GAS2: variants seen among roughly 807,000 people sequenced by gnomAD.
GAS2 encodes growth arrest-specific protein 2.
In GAS2, 20 loss-of-function variants were observed where a neutral mutation model predicts 37.5. That is an observed-to-expected ratio of 0.53 (90% CI 0.37 to 0.77). GAS2 has a LOEUF of 0.77. Ranked by LOEUF, GAS2 falls within the 30% of genes least tolerant of loss-of-function variation. The pLI, the probability that GAS2 is intolerant of heterozygous loss-of-function variation, is 0.00. For missense variants in GAS2, 336 were observed against 373.4 expected (o/e 0.90, Z 0.82); for synonymous variants, 144 against 132.2 (o/e 1.09, Z -0.61).
chr11:22,664,808 A>G (rs569211323), upstream of GAS2, among the ~76,000 whole-genome samples: 7 of 152,292 alleles, frequency 4.6e-5, no homozygotes, highest in South Asian at 1.4e-3. Flanking sequence ...CATATGCTAA[A>G]AAAATTAAAA....
At chr11:22,809,184 A>G (rs1390960645) in intron 7 of GAS2, among the ~76,000 whole-genome samples, 1 of 152,210 alleles carries the variant, frequency 6.6e-6, no homozygotes, top group Non-Finnish European at 1.5e-5. Flanking sequence ...GCTAATCACT[A>G]AGACAATGAG....
intron 3 of GAS2, among the ~76,000 whole-genome samples, chr11:22,712,182 G>T (rs1851439548): frequency 1.3e-5 from 2 of 152,288 alleles, no homozygotes; most frequent in South Asian, 4.1e-4. Context: ...ACACACCCTG[G>T]CTAGCCAGAG....
intron 7 of GAS2, among the ~76,000 whole-genome samples, chr11:22,803,655 A>G (rs1463167627): frequency 6.6e-6 from 1 of 152,154 alleles, no homozygotes; most frequent in Non-Finnish European, 1.5e-5. Context: ...TAATGACATT[A>G]TAGATTAGAT....
chr11:22,672,992 C>T (rs534032117), intron 1 of GAS2, among the ~76,000 whole-genome samples: 1 of 152,152 alleles, frequency 6.6e-6, no homozygotes, highest in South Asian at 2.1e-4. Flanking sequence ...GTATTGAAAG[C>T]AGTTCACATT....
chr11:22,674,172 T>C (rs974822398), intron 1 of GAS2, among the ~76,000 whole-genome samples: 19 of 152,162 alleles, frequency 1.2e-4, no homozygotes, highest in African/African-American at 4.3e-4. Context: ...TGTCATGACC[T>C]AGCTGTATGA....
intron 7 of GAS2, among the ~76,000 whole-genome samples, chr11:22,803,227 C>T (rs1376511982): frequency 1.3e-5 from 2 of 152,060 alleles, no homozygotes; most frequent in Admixed American, 1.3e-4. Context: ...AATCAAAGCC[C>T]CTTCTTACTT....
At chr11:22,772,078 T>C (rs983060096) in intron 7 of GAS2, among the ~76,000 whole-genome samples, 3 of 152,226 alleles carry the variant, frequency 2.0e-5, no homozygotes, top group Non-Finnish European at 4.4e-5. Flanking sequence ...TCATACAAGA[T>C]ACAAGTATAA....
chr11:22,647,138 G>C (rs1848706482), intron 1 of GAS2, among the ~76,000 whole-genome samples: 1 of 135,756 alleles, frequency 7.4e-6, no homozygotes, highest in African/African-American at 2.8e-5. Context: ...TGTTCTCATT[G>C]TTCAATTCCC....
Position 22,809,795 on chromosome 11 carries a change from T to C in GAS2, c.724-2003T>C, listed in dbSNP as rs1351979696. The stretch of plus-strand genomic sequence containing the variant: ...AGGCATGAGCCACCACGCCCGACCA[T>C]ATTTATTTTTAAAAGTAAATATTAG... On this transcript the variant is annotated intron_variant, in intron 7 of 7. Coordinates refer to ENST00000454584, the MANE Select transcript of GAS2 (RefSeq NM_001143830.3). Among the ~76,000 whole-genome samples the C allele has an allele frequency of 2.0e-5, 3 of 151,986 alleles. No individual in the cohort carries two copies. The East Asian group carries it at 5.8e-4, about 30-fold the overall frequency.
chr11:22,731,707 T>G (rs1394118893), intron 4 of GAS2, among the ~76,000 whole-genome samples: 1 of 151,804 alleles, frequency 6.6e-6, no homozygotes, highest in Admixed American at 6.6e-5. Flanking sequence ...TTTAAGTGTT[T>G]GATAAATCAT....
intron 5 of GAS2, among the ~76,000 whole-genome samples, chr11:22,740,693 G>A (rs1030749421): frequency 1.3e-5 from 2 of 152,236 alleles, no homozygotes; most frequent in Admixed American, 1.3e-4. Context: ...CTGTGTTGAA[G>A]CATAATTAGT....
In GAS2 at chr11:22,812,741, C is replaced by T. The variant is rs1306818250; in HGVS notation, c.*725C>T. On this transcript the variant is annotated 3_prime_UTR_variant, in exon 8 of 8. Coordinates refer to ENST00000454584, the MANE Select transcript of GAS2 (RefSeq NM_001143830.3). ...TGTAATTCATACATGAGCTGACATA[C>T]GTTGATACTTTGACGAGTAAATTGT... 1 of 152,450 alleles carries T rather than the reference C, an allele frequency of 6.6e-6. No individual in the cohort carries two copies. The highest frequency in any genetic ancestry group is 2.4e-5 in the African/African-American group (1 of 41,400). 9.4% of individuals were successfully genotyped at this position (152,450 alleles called of 1,614,324 possible). A position where few individuals can be genotyped will look rare whatever the true frequency, so the allele number is the denominator to read the frequency against.
At chr11:22,809,454 AG>A (rs1299015427) in intron 7 of GAS2, among the ~76,000 whole-genome samples, 1 of 152,008 alleles carries the variant, frequency 6.6e-6, no homozygotes, top group Non-Finnish European at 1.5e-5. Flanking sequence ...GTTTAAGACA[AG>A]GGAGGGTCAA....
intron 3 of GAS2, among the ~76,000 whole-genome samples, chr11:22,704,637 A>G (rs1851016658): frequency 7.6e-6 from 1 of 132,268 alleles, no homozygotes; most frequent in Non-Finnish European, 1.6e-5. Context: ...TGCTCATCTC[A>G]AATTCATGAT....
At chr11:22,712,836 G>A (rs749726648) in intron 3 of GAS2, among the ~76,000 whole-genome samples, 6 of 152,050 alleles carry the variant, frequency 3.9e-5, no homozygotes, top group Non-Finnish European at 7.4e-5. Context: ...CAGCACTTTA[G>A]GAGGCCAAGG....
At chr11:22,692,790 A>T (rs1173537610) in intron 3 of GAS2, among the ~76,000 whole-genome samples, 1 of 152,160 alleles carries the variant, frequency 6.6e-6, no homozygotes, top group African/African-American at 2.4e-5. Flanking sequence ...CACAATAAAA[A>T]ATATGGCCCA....
chr11:22,650,308 T>C (rs948075147), intron 1 of GAS2, among the ~76,000 whole-genome samples: 10 of 151,026 alleles, frequency 6.6e-5, no homozygotes, highest in African/African-American at 2.2e-4. Context: ...TCTGTTCTTT[T>C]ACATTTGGTG....
rs142882122 is a variant in GAS2, at chr11:22,674,410, G to A, written c.-20-440G>A. Among the ~76,000 whole-genome samples the A allele has an allele frequency of 7.5e-3, 1,137 of 152,204 alleles. 6 individuals carry two copies. Among genetic ancestry groups the A allele is most frequent in the African/African-American group, 0.026 (1,070 of 41,524 alleles). On this transcript the variant is annotated intron_variant, in intron 1 of 7. Coordinates refer to ENST00000454584, the MANE Select transcript of GAS2 (RefSeq NM_001143830.3). Reference sequence around the variant, plus strand: ...CTATATTTTTAAGGGTAATGATCATGTGTTTACAGTGAGTTGTAAAAATGC... The same window carrying A: ...CTATATTTTTAAGGGTAATGATCATATGTTTACAGTGAGTTGTAAAAATGC...
In GAS2 at chr11:22,757,577, T is replaced by C. The variant is rs372943856; in HGVS notation, c.723+1624T>C. Among the ~76,000 whole-genome samples, 46 of 152,316 alleles carry C rather than the reference T, an allele frequency of 3.0e-4. No homozygotes were observed. In the South Asian group the frequency reaches 8.5e-3, roughly 28 times the overall value. On this transcript the variant is annotated intron_variant, in intron 7 of 7. Coordinates refer to ENST00000454584, the MANE Select transcript of GAS2 (RefSeq NM_001143830.3). ...ATTCACTGATTAGTCCAGCAAGTAA[T>C]GGCATCATGCTATTATGACATGTTT...
Sources: gnomAD v4.1 joint callset for allele counts (sites outside exome capture counted in the v4.1 genomes callset) on GRCh38, gnomAD v4.1.1 for gene constraint, MANE v1.5 for transcripts, NCBI Gene and HGNC (gene_info 2026-07-23, HGNC 2026-07-21) for gene names.